The following CPQ variants were observed in gnomAD, a reference collection of about 807,000 sequenced individuals.
CPQ encodes the protein Ser-Met dipeptidase.
In CPQ, 37 loss-of-function variants were observed where a neutral mutation model predicts 45.7. The ratio of observed to expected loss-of-function variants is 0.81; its 90% CI spans 0.62 to 1.07. The LOEUF (loss-of-function observed/expected upper bound fraction) is 1.07. Ranked by LOEUF, CPQ falls within the 50% of genes least tolerant of loss-of-function variation. The pLI is 0.00. For synonymous variants in CPQ, 186 were observed against 205.8 expected (o/e 0.90, Z 0.82); for missense variants, 537 against 572.9 (o/e 0.94, Z 0.64).
At chr8:96,973,749 G>T (rs754903401) in intron 5 of CPQ, among the ~76,000 whole-genome samples, 2 of 152,120 alleles carry the variant, frequency 1.3e-5, no homozygotes, top group Non-Finnish European at 2.9e-5. Flanking sequence ...TATCAGCCAA[G>T]AATTTTGTAT....
chr8:96,751,531 A>G (rs918039463), intron 1 of CPQ, among the ~76,000 whole-genome samples: 1 of 152,102 alleles, frequency 6.6e-6, no homozygotes, highest in African/African-American at 2.4e-5. Context: ...TAGATTCTAG[A>G]TATTAGACCT....
chr8:97,023,264 A>G (rs1809742059), intron 5 of CPQ, among the ~76,000 whole-genome samples: 1 of 151,906 alleles, frequency 6.6e-6, no homozygotes, highest in Non-Finnish European at 1.5e-5. Flanking sequence ...CATATGTGGG[A>G]GCCAAGCTAT....
At chr8:96,861,262 C>T (rs1452549016) in intron 3 of CPQ, among the ~76,000 whole-genome samples, 2 of 151,932 alleles carry the variant, frequency 1.3e-5, no homozygotes, top group Non-Finnish European at 2.9e-5. Flanking sequence ...AATTATATGC[C>T]CAGTTGTCTA....
intron 1 of CPQ, among the ~76,000 whole-genome samples, chr8:96,667,355 T>C (rs935383904): frequency 1.3e-5 from 2 of 150,666 alleles, no homozygotes; most frequent in Non-Finnish European, 3.0e-5. Flanking sequence ...CTTTTTCTTT[T>C]TTTTTTTTTT....
chr8:96,686,475 T>G (rs1320908870), intron 1 of CPQ, among the ~76,000 whole-genome samples: 1 of 152,016 alleles, frequency 6.6e-6, no homozygotes, highest in Non-Finnish European at 1.5e-5. Flanking sequence ...TTTTCTCTTT[T>G]TATTATTAAC....
intron 1 of CPQ, among the ~76,000 whole-genome samples, chr8:96,664,145 C>T (rs1161236668): frequency 6.6e-6 from 1 of 152,150 alleles, no homozygotes; most frequent in Non-Finnish European, 1.5e-5. Context: ...TGAAATAATA[C>T]TTCTTTGGTC....
At chr8:96,928,339 A>G (rs1422420158) in intron 4 of CPQ, among the ~76,000 whole-genome samples, 1 of 151,120 alleles carries the variant, frequency 6.6e-6, no homozygotes, top group African/African-American at 2.4e-5. Flanking sequence ...ATTCATTATT[A>G]AGGGGTTATC....
chr8:96,773,032 G>C (rs1810565079), intron 1 of CPQ, among the ~76,000 whole-genome samples: 1 of 152,128 alleles, frequency 6.6e-6, no homozygotes, highest in Non-Finnish European at 1.5e-5. Flanking sequence ...CATCTAAAGA[G>C]GAACAGCCAG....
intron 2 of CPQ, among the ~76,000 whole-genome samples, chr8:96,789,118 G>T (rs1810813524): frequency 6.6e-6 from 1 of 151,798 alleles, no homozygotes; most frequent in Non-Finnish European, 1.5e-5. Flanking sequence ...TGAAGTGTTT[G>T]CTATATCCTA....
At chr8:96,894,256 G>T (rs1449207140) in intron 4 of CPQ, among the ~76,000 whole-genome samples, 1 of 152,110 alleles carries the variant, frequency 6.6e-6, no homozygotes, top group Non-Finnish European at 1.5e-5. Flanking sequence ...GCCACTCCCA[G>T]ATTCTTGACT....
At chr8:96,804,678 A>G (rs1811055851) in intron 2 of CPQ, among the ~76,000 whole-genome samples, 1 of 152,140 alleles carries the variant, frequency 6.6e-6, no homozygotes, top group Admixed American at 6.6e-5. Context: ...GAGAATCATT[A>G]GCCTGTTACC....
At chr8:96,779,957 T>C (rs1485254749) in intron 1 of CPQ, among the ~76,000 whole-genome samples, 1 of 152,176 alleles carries the variant, frequency 6.6e-6, no homozygotes, top group Non-Finnish European at 1.5e-5. Context: ...TTTTCATAAT[T>C]TTTCAAAATA....
At chr8:96,915,305 T>A (rs1174313058) in intron 4 of CPQ, among the ~76,000 whole-genome samples, 1 of 152,108 alleles carries the variant, frequency 6.6e-6, no homozygotes, top group African/African-American at 2.4e-5. Flanking sequence ...AGTGTACACA[T>A]TCTGTAACTA....
intron 7 of CPQ, among the ~76,000 whole-genome samples, chr8:97,114,701 T>A (rs1811553630): frequency 6.6e-6 from 1 of 152,236 alleles, no homozygotes; most frequent in Non-Finnish European, 1.5e-5. Context: ...GAGTTTTGTG[T>A]GGCTGCAATA....
chr8:97,035,138 G>A (rs985987406), intron 6 of CPQ, among the ~76,000 whole-genome samples: 2 of 152,124 alleles, frequency 1.3e-5, no homozygotes, highest in South Asian at 4.1e-4. Flanking sequence ...TGATCCACCT[G>A]CCTCGGCCTC....
At chr8:97,039,821 T>C (rs1360527981) in intron 6 of CPQ, among the ~76,000 whole-genome samples, 1 of 152,200 alleles carries the variant, frequency 6.6e-6, no homozygotes, top group Non-Finnish European at 1.5e-5. Flanking sequence ...ACTCATCATT[T>C]TTATGGCTGC....
chr8:97,081,439 C>A (rs566795008), intron 7 of CPQ, among the ~76,000 whole-genome samples: 10 of 152,304 alleles, frequency 6.6e-5, no homozygotes, highest in African/African-American at 2.4e-4. Context: ...TAGAGTTGTG[C>A]TTCACACTCT....
chr8:97,090,496 T>G (rs1327067759), intron 7 of CPQ, among the ~76,000 whole-genome samples: 1 of 152,194 alleles, frequency 6.6e-6, no homozygotes, highest in Non-Finnish European at 1.5e-5. Context: ...CTACTTTACC[T>G]TTAACCTGTG....
At chr8:96,780,847 A>G (rs969488219) in intron 1 of CPQ, among the ~76,000 whole-genome samples, 4 of 151,506 alleles carry the variant, frequency 2.6e-5, no homozygotes, top group African/African-American at 9.7e-5. Context: ...GACTCAACAC[A>G]TTTCAAGGGC....
Sources: gnomAD v4.1 joint callset for allele counts (sites outside exome capture counted in the v4.1 genomes callset) on GRCh38, gnomAD v4.1.1 for gene constraint, MANE v1.5 for transcripts, NCBI Gene and HGNC (gene_info 2026-07-23, HGNC 2026-07-21) for gene names.